The following KCNN3 variants were observed in gnomAD, a reference collection of about 807,000 sequenced individuals.
The protein encoded by KCNN3 is small conductance calcium-activated potassium channel protein 3.
KCNN3 carries 16 observed loss-of-function variants against 62.9 expected under a neutral mutation model. The ratio of observed to expected loss-of-function variants is 0.25; its 90% confidence interval spans 0.17 to 0.39. The LOEUF (loss-of-function observed/expected upper bound fraction) is 0.39. Ranked by LOEUF, KCNN3 falls within the 10% of genes least tolerant of loss-of-function variation. The probability of loss-of-function intolerance (pLI) is 1.00; values close to 1 mark genes in which losing one functional copy is unlikely to be tolerated. For synonymous variants in KCNN3, 370 were observed against 389.2 expected, an observed-to-expected ratio of 0.95 and a Z score of 0.58; for missense variants, 599 against 949.4, an observed-to-expected ratio of 0.63 and a Z score of 4.85.
intron 2 of KCNN3, among the ~76,000 whole-genome samples, chr1:154,800,552 C>G (rs1355418772): frequency 6.6e-6 from 1 of 152,106 alleles, no homozygotes; most frequent in Non-Finnish European, 1.5e-5. Context: ...TTGTTATAAC[C>G]TGGTGAGGAT....
intron 3 of KCNN3, among the ~76,000 whole-genome samples, chr1:154,755,133 A>T (rs186198537): frequency 1.3e-5 from 2 of 152,302 alleles, no homozygotes; most frequent in Admixed American, 1.3e-4. Context: ...ATGCCAAAGT[A>T]ATATTTTTAG....
intron 3 of KCNN3, among the ~76,000 whole-genome samples, chr1:154,734,206 C>G (rs1362070152): frequency 6.6e-6 from 1 of 152,206 alleles, no homozygotes; most frequent in African/African-American, 2.4e-5. Context: ...GGTGAGTCCT[C>G]TTCCAAACCG....
At chr1:154,865,988 G>A (rs1462851330) in intron 1 of KCNN3, among the ~76,000 whole-genome samples, 1 of 152,078 alleles carries the variant, frequency 6.6e-6, no homozygotes, top group East Asian at 1.9e-4. Flanking sequence ...GGCACACAAA[G>A]CTCTCCAGCA....
In KCNN3 at chr1:154,869,848, C is replaced by T. The variant is rs544278583; in HGVS notation, c.117G>A (p.Gln39=). 7 of 1,579,444 alleles carry T rather than the reference C, an allele frequency of 4.4e-6. No individual in the cohort carries two copies. In the Admixed American group the frequency reaches 5.4e-5, roughly 12 times the overall value. Residue 39 remains glutamine (Q), a synonymous_variant, in exon 1 of 8, where the codon CAG becomes CAA. Coordinates refer to ENST00000271915, the MANE Select transcript of KCNN3 (RefSeq NM_002249.6). The surrounding 1 kb of genome is among the most constrained non-coding windows in gnomAD (Gnocchi z 6.1). Reference sequence around the variant, plus strand: ...GTGGCGCTGGCGGTGGTGGCTGCTGCTGCTGTTGCTGCTGCTGCTGCTGCT... The same window carrying T: ...GTGGCGCTGGCGGTGGTGGCTGCTGTTGCTGTTGCTGCTGCTGCTGCTGCT... ...EQQQQQQQQQ[Q]QQPPPPAPPA...
intron 3 of KCNN3, among the ~76,000 whole-genome samples, chr1:154,764,653 T>C (rs530975665): frequency 5.8e-4 from 89 of 152,236 alleles, no homozygotes; most frequent in Non-Finnish European, 7.1e-4. Flanking sequence ...TAATCCCTTC[T>C]AGCCTTCTCC....
chr1:154,743,649 A>G (rs1391537511), intron 3 of KCNN3, among the ~76,000 whole-genome samples: 1 of 152,170 alleles, frequency 6.6e-6, no homozygotes, highest in Non-Finnish European at 1.5e-5. Context: ...ATCTTTTCCT[A>G]GGGATCTGTG....
intron 3 of KCNN3, among the ~76,000 whole-genome samples, chr1:154,733,653 T>C (rs1206219943): frequency 1.3e-5 from 2 of 152,102 alleles, no homozygotes; most frequent in Non-Finnish European, 2.9e-5. Context: ...GCTGTGGTGG[T>C]TGGGGCTCTC....
chr1:154,798,970 G>A (rs146852180), intron 2 of KCNN3, among the ~76,000 whole-genome samples: 64 of 149,440 alleles, frequency 4.3e-4, no homozygotes, highest in Non-Finnish European at 5.3e-4. Flanking sequence ...AGGCTGGAGT[G>A]CAGTGGCACA....
At position 154,772,460 on chromosome 1, in the gene KCNN3, A is replaced by ATAGGTGGGG. The variant is rs1648605242; in HGVS notation, c.1030-68_1030-67insCCCCACCTA. Reference sequence around the variant, plus strand: ...AAGCCCACAGCAGGGTCCAGGCAGGACAGGTGGGGCAGGCTGGGGCAGGCT... The same window carrying ATAGGTGGGG: ...AAGCCCACAGCAGGGTCCAGGCAGGATAGGTGGGGCAGGTGGGGCAGGCTGGGGCAGGCT... On this transcript the variant is annotated intron_variant, in intron 2 of 7. Coordinates refer to ENST00000271915, the MANE Select transcript of KCNN3 (RefSeq NM_002249.6). The surrounding 1 kb of genome is among the most constrained non-coding windows in gnomAD (Gnocchi z 5.6). 5 of 1,546,180 alleles carry ATAGGTGGGG rather than the reference A, an allele frequency of 3.2e-6. No individual in the cohort carries two copies. Among genetic ancestry groups the ATAGGTGGGG allele is most frequent in the South Asian group, 1.1e-5 (1 of 87,112 alleles).
chr1:154,771,819 C>A (rs1648570265), intron 3 of KCNN3, 156 bp downstream of exon 3: 2 of 780,808 alleles, frequency 2.6e-6, no homozygotes, highest in Non-Finnish European at 4.4e-6. Context: ...TACTGAACCC[C>A]AACTCAGCAC....
At chr1:154,728,034 G>A (rs1413345230) in intron 4 of KCNN3, among the ~76,000 whole-genome samples, 1 of 152,200 alleles carries the variant, frequency 6.6e-6, no homozygotes, top group Admixed American at 6.5e-5. Flanking sequence ...GAAAGCTGGG[G>A]TCCAATAGGC....
At chr1:154,859,949 A>C (rs1652697698) in intron 1 of KCNN3, 3 of 896,188 alleles carry the variant, frequency 3.3e-6, no homozygotes, top group Non-Finnish European at 1.7e-6. Context: ...CATCATTTGC[A>C]TGCTGTTCAT....
chr1:154,766,789 CCTGTCCCAGCCTCCCGAGTAG>C lies in KCNN3; in HGVS notation c.1448+5165_1448+5185del, dbSNP rs571000114. ...CCGCCTCCTGGGTTCACGCCATTCT[CCTGTCCCAGCCTCCCGAGTAG>C]CTGGGACTACAGGTGTGTGCCACCA... On this transcript the variant is annotated intron_variant, in intron 3 of 7. Coordinates refer to ENST00000271915, the MANE Select transcript of KCNN3 (RefSeq NM_002249.6). Among the ~76,000 whole-genome samples, 783 of 151,788 alleles carry C rather than the reference CCTGTCCCAGCCTCCCGAGTAG, an allele frequency of 5.2e-3. 6 individuals are homozygous for C. Among genetic ancestry groups the C allele is most frequent in the South Asian group, 0.011 (51 of 4,806 alleles).
intron 1 of KCNN3, among the ~76,000 whole-genome samples, chr1:154,861,479 G>A (rs866571061): frequency 2.0e-5 from 3 of 152,152 alleles, no homozygotes; most frequent in African/African-American, 7.2e-5. Context: ...GCACCACACG[G>A]CAGCAACCTG....
chr1:154,793,697 G>T (rs922784891), intron 2 of KCNN3, among the ~76,000 whole-genome samples: 12 of 152,154 alleles, frequency 7.9e-5, no homozygotes, highest in Non-Finnish European at 1.5e-4. Flanking sequence ...AACACAAAAA[G>T]CCTGCAGTGA....
intron 4 of KCNN3, among the ~76,000 whole-genome samples, chr1:154,728,672 G>A (rs1368565308): frequency 6.6e-6 from 1 of 152,018 alleles, no homozygotes; most frequent in Non-Finnish European, 1.5e-5. Context: ...AAAGAGAAGA[G>A]AAGAGAAGAG....
chr1:154,711,979 AG>A (rs1226829325), intron 7 of KCNN3, among the ~76,000 whole-genome samples: 2 of 151,012 alleles, frequency 1.3e-5, no homozygotes, highest in African/African-American at 4.9e-5. Context: ...AGAGAGAGAC[AG>A]GGAGACGGAG....
intron 3 of KCNN3, among the ~76,000 whole-genome samples, chr1:154,736,564 A>C (rs772247550): frequency 1.3e-5 from 2 of 152,228 alleles, no homozygotes; most frequent in African/African-American, 2.4e-5. Flanking sequence ...GTGTCCAGGG[A>C]GAAGCAATGG....
intron 1 of KCNN3, among the ~76,000 whole-genome samples, chr1:154,822,686 GCT>G (rs2101895036): frequency 6.6e-6 from 1 of 152,378 alleles, no homozygotes; most frequent in South Asian, 2.1e-4. Context: ...CCCGGCAGCT[GCT>G]CTCATCTCCT....
Sources: gnomAD v4.1 joint callset for allele counts (sites outside exome capture counted in the v4.1 genomes callset) on GRCh38, gnomAD v4.1.1 for gene constraint, Gnocchi (gnomAD v3.1) non-coding constraint, MANE v1.5 for transcripts, NCBI Gene and HGNC (gene_info 2026-07-23, HGNC 2026-07-21) for gene names.